PRRC2C: variants seen among roughly 807,000 people sequenced by gnomAD.
The protein encoded by PRRC2C is proline rich coiled-coil 2C.
In PRRC2C, 72 loss-of-function variants were observed where a neutral mutation model predicts 317.2. The observed-to-expected ratio is 0.23, with a 90% CI of 0.19 to 0.28. The LOEUF (loss-of-function observed/expected upper bound fraction) is 0.28, where lower values mean the gene tolerates loss of function less well. PRRC2C is among the 10% of genes least tolerant of loss of function. PRRC2C has a pLI of 1.00. For synonymous variants in PRRC2C, 1,296 were observed against 1,205.9 expected, an observed-to-expected ratio of 1.07 and a Z score of -1.55; for missense variants, 3,074 against 3,459.7, an observed-to-expected ratio of 0.89 and a Z score of 2.80.
intron 25 of PRRC2C, among the ~76,000 whole-genome samples, chr1:171,576,714 T>C (rs1572101736): frequency 6.6e-6 from 1 of 152,222 alleles, no homozygotes; most frequent in East Asian, 1.9e-4. Context: ...TTTTTAAGAG[T>C]TGATGTCTTG....
intron 25 of PRRC2C, among the ~76,000 whole-genome samples, chr1:171,576,645 T>G (rs773920864): frequency 1.3e-5 from 2 of 152,162 alleles, no homozygotes; most frequent in Non-Finnish European, 2.9e-5. Context: ...CAGGTGGTTT[T>G]GTTTTGTTTT....
At position 171,524,799 on chromosome 1, in the gene PRRC2C, C is replaced by A. The variant is rs2272808; in HGVS notation, c.1056-22C>A. On this transcript the variant is annotated intron_variant, in intron 9 of 34. Coordinates refer to ENST00000647382, the MANE Select transcript of PRRC2C (RefSeq NM_001387844.1). Reference sequence around the variant, plus strand: ...ATGATACAGTTGGTCCACTTTATTTCTTCTGCATTTTGATTTTTCAGTGAG... The same window carrying A: ...ATGATACAGTTGGTCCACTTTATTTATTCTGCATTTTGATTTTTCAGTGAG... 5 of 1,530,692 alleles carry A rather than the reference C, an allele frequency of 3.3e-6. No individual in the cohort carries two copies. In the African/African-American group the frequency reaches 7.0e-5, roughly 21 times the overall value. The allele number at this position is 1,530,692 out of a possible 1,614,324, so 94.8% of individuals were successfully genotyped here. A position where few individuals can be genotyped will look rare whatever the true frequency, so the allele number is the denominator to read the frequency against.
In PRRC2C at chr1:171,541,594, G is replaced by A. The variant is rs74122867; in HGVS notation, c.4128G>A (p.Gln1376=). ...TLRRPAYRDN[Q]WNPRQSEVPK... is the part of the protein sequence containing the mutation. The stretch of plus-strand genomic sequence containing the variant: ...GAAGACCAGCTTATCGGGACAATCA[G>A]TGGAACCCAAGGCAGTCAGAAGTTC... Residue 1376 remains glutamine, a synonymous_variant, in exon 16 of 35, where the codon CAG becomes CAA. Coordinates refer to ENST00000647382, the MANE Select transcript of PRRC2C (RefSeq NM_001387844.1). The surrounding 1 kb of genome is among the most constrained non-coding windows in gnomAD (Gnocchi z 4.1). 1,001 of 1,613,856 alleles carry A rather than the reference G, an allele frequency of 6.2e-4. 5 individuals carry two copies. The African/African-American group carries it at 0.012, about 20-fold the overall frequency.
intron 25 of PRRC2C, among the ~76,000 whole-genome samples, chr1:171,575,682 A>C (rs1685575994): frequency 6.6e-6 from 1 of 152,110 alleles, no homozygotes; most frequent in African/African-American, 2.4e-5. Flanking sequence ...CTAGTGTGTA[A>C]TCTTTTCATT....
chr1:171,495,269 T>G (rs942464132), intron 1 of PRRC2C, among the ~76,000 whole-genome samples: 6 of 152,232 alleles, frequency 3.9e-5, no homozygotes, highest in Non-Finnish European at 8.8e-5. Context: ...ACAGTCTGGG[T>G]CTGTATTCTG....
intron 34 of PRRC2C, 24 bp from the exon 35 acceptor site, chr1:171,591,563 A>G (rs376051902): frequency 1.5e-5 from 24 of 1,605,856 alleles, no homozygotes; most frequent in Non-Finnish European, 2.0e-5. Context: ...CAGTATTTTC[A>G]GTTGTTCTTT....
intron 19 of PRRC2C, among the ~76,000 whole-genome samples, chr1:171,560,285 G>A (rs550992945): frequency 2.0e-5 from 3 of 152,312 alleles, no homozygotes; most frequent in South Asian, 2.1e-4. Context: ...TAACTCTGAC[G>A]CAAAGAAAGT....
At chr1:171,509,880 CTT>C (rs1174893694) in intron 1 of PRRC2C, 1 of 100,298 alleles carries the variant, frequency 1.0e-5, no homozygotes, top group Non-Finnish European at 1.8e-5. Context: ...GAGACGGAGT[CTT>C]GGTCTGTCAC....
intron 25 of PRRC2C, among the ~76,000 whole-genome samples, chr1:171,576,926 A>G (rs1340187257): frequency 1.3e-5 from 2 of 152,138 alleles, no homozygotes; most frequent in Non-Finnish European, 2.9e-5. Context: ...TGGCCTCAAC[A>G]TGTGCCAGTT....
intron 18 of PRRC2C, among the ~76,000 whole-genome samples, chr1:171,556,141 C>T (rs1412773228): frequency 2.0e-5 from 3 of 152,234 alleles, no homozygotes; most frequent in Non-Finnish European, 4.4e-5. Flanking sequence ...GTGGACACCA[C>T]TCCCCCAGCC....
intron 18 of PRRC2C, among the ~76,000 whole-genome samples, chr1:171,556,322 G>C (rs1459512715): frequency 1.3e-5 from 2 of 152,218 alleles, no homozygotes; most frequent in Non-Finnish European, 2.9e-5. Context: ...TCCAGGTACA[G>C]TCTGTCATGA....
Position 171,512,166 on chromosome 1 carries a change from C to T in PRRC2C, c.78C>T (p.Tyr26=). The change falls in exon 2 of 35, where the codon TAC becomes TAT. Residue 26 remains tyrosine, a synonymous_variant. Coordinates refer to ENST00000647382, the MANE Select transcript of PRRC2C (RefSeq NM_001387844.1). ...KYATLSLFNT[Y]KGKSLETQKT... is the part of the protein sequence containing the mutation. ...CAACACTCAGTTTATTTAATACTTA[C>T]AAGGGGAAATCATTAGAAACACAGA... is the stretch of plus-strand genomic sequence containing the variant. 1 of 1,578,380 alleles carries T rather than the reference C, an allele frequency of 6.3e-7. No homozygotes were observed. The highest frequency in any genetic ancestry group is 8.6e-7 in the Non-Finnish European group (1 of 1,160,996).
At chr1:171,591,343 C>A in intron 34 of PRRC2C, 2 of 700,174 alleles carry the variant, frequency 2.9e-6, no homozygotes, top group Non-Finnish European at 4.0e-6. Context: ...GAGGGCAGAC[C>A]TTGAAAAGGT....
At chr1:171,537,617 C>G (rs1677072980) in intron 15 of PRRC2C, 144 bp downstream of exon 15, 1 of 758,962 alleles carries the variant, frequency 1.3e-6, no homozygotes, top group Admixed American at 2.8e-5. Flanking sequence ...TACGCTTACT[C>G]TTTGGACATA....
At chr1:171,562,238 C>G (rs1418020318) in intron 20 of PRRC2C, among the ~76,000 whole-genome samples, 2 of 152,094 alleles carry the variant, frequency 1.3e-5, no homozygotes, top group Non-Finnish European at 2.9e-5. Flanking sequence ...CAGGAGCACA[C>G]TTGGTTTGTT....
intron 22 of PRRC2C, among the ~76,000 whole-genome samples, chr1:171,567,725 T>C (rs1683952755): frequency 6.6e-6 from 1 of 152,262 alleles, no homozygotes; most frequent in Non-Finnish European, 1.5e-5. Flanking sequence ...AGTCTCCTAG[T>C]ACTAAATGTA....
chr1:171,492,088 T>TA (rs1667255903), intron 1 of PRRC2C, among the ~76,000 whole-genome samples: 2 of 152,196 alleles, frequency 1.3e-5, no homozygotes, highest in South Asian at 4.1e-4. Context: ...ATTTTAAGTT[T>TA]ATATTTGGAA....
chr1:171,576,259 G>A (rs959784990), intron 25 of PRRC2C, among the ~76,000 whole-genome samples: 4 of 152,142 alleles, frequency 2.6e-5, no homozygotes, highest in African/African-American at 9.7e-5. Flanking sequence ...GGAAGATCTG[G>A]AAATAATGGT....
At position 171,506,458 on chromosome 1, in the gene PRRC2C, G is replaced by A. The variant is rs140311219; in HGVS notation, c.-57-5574G>A. 3.9e-3 allele frequency among the ~76,000 whole-genome samples: 586 copies of A among 152,162 alleles called. 3 individuals are homozygous for A. The highest frequency in any genetic ancestry group is 0.013 in the African/African-American group (535 of 41,528). ...GTTTCTTAGACTTGGGCTTTGTTGA[G>A]TCTTTTGGATCTGGGTTTGCAGTTT... On this transcript the variant is annotated intron_variant, in intron 1 of 34. Coordinates refer to ENST00000647382, the MANE Select transcript of PRRC2C (RefSeq NM_001387844.1).
Sources: allele counts gnomAD v4.1 joint callset (sites outside exome capture counted in the v4.1 genomes callset), GRCh38; gene constraint gnomAD v4.1.1; non-coding constraint Gnocchi (gnomAD v3.1); transcripts MANE v1.5; gene names NCBI Gene and HGNC (gene_info 2026-07-23, HGNC 2026-07-21).